Variants in HMGCLL1 observed in about 807,000 individuals in gnomAD.
HMGCLL1 encodes 3-hydroxy-3-methylglutaryl-CoA lyase like 1.
In HMGCLL1, 36 loss-of-function variants were observed where a neutral mutation model predicts 39.1. The observed-to-expected ratio is 0.92, with a 90% CI of 0.71 to 1.22. The LOEUF is 1.22. Ranked by LOEUF, HMGCLL1 falls within the 50% of genes most tolerant of loss-of-function variation. The pLI is 0.00. For missense variants in HMGCLL1, 451 were observed against 416.5 expected (o/e 1.08, Z -0.72); for synonymous variants, 149 against 144.0 (o/e 1.03, Z -0.25).
At chr6:55,611,518 A>T in the HMGCLL1 span, among the ~76,000 whole-genome samples, 1 of 152,168 alleles carries the variant, frequency 6.6e-6, no homozygotes, top group Non-Finnish European at 1.5e-5. Context: ...CAAAAAAAGA[A>T]AGCATCAGGC....
At chr6:55,633,555 T>A in the HMGCLL1 span, among the ~76,000 whole-genome samples, 1 of 151,896 alleles carries the variant, frequency 6.6e-6, no homozygotes, top group African/African-American at 2.4e-5. Context: ...ATTTTCTGCA[T>A]AACCATTTTA....
chr6:55,473,346 A>G (rs886807868), intron 7 of HMGCLL1, among the ~76,000 whole-genome samples: 3 of 151,260 alleles, frequency 2.0e-5, no homozygotes, highest in Non-Finnish European at 3.0e-5. Flanking sequence ...TCTGGTTTTA[A>G]TCGATAATTT....
intron 1 of HMGCLL1, among the ~76,000 whole-genome samples, chr6:55,571,144 T>C: frequency 6.6e-6 from 1 of 152,208 alleles, no homozygotes; most frequent in East Asian, 1.9e-4. Context: ...CCATGTCAAA[T>C]ACCTATCCTT....
At chr6:55,512,481 C>T (rs1463839667) in intron 5 of HMGCLL1, 1 of 152,096 alleles carries the variant, frequency 6.6e-6, no homozygotes, top group Admixed American at 6.6e-5. Flanking sequence ...TTTGGAAGTA[C>T]ATTGCCTTGG....
intron 7 of HMGCLL1, among the ~76,000 whole-genome samples, chr6:55,469,084 C>T (rs1473825401): frequency 1.3e-5 from 2 of 150,050 alleles, no homozygotes; most frequent in Admixed American, 6.7e-5. Context: ...TTTTGAAGTA[C>T]TATGTTGAAA....
At chr6:55,473,266 T>C (rs1765125647) in intron 7 of HMGCLL1, among the ~76,000 whole-genome samples, 1 of 151,488 alleles carries the variant, frequency 6.6e-6, no homozygotes, top group Admixed American at 6.6e-5. Flanking sequence ...TATAGGTGGA[T>C]TAATATCCAC....
chr6:55,640,325 T>C, the HMGCLL1 span, among the ~76,000 whole-genome samples: 2 of 152,088 alleles, frequency 1.3e-5, no homozygotes, highest in South Asian at 4.1e-4. Context: ...CATTTATTCA[T>C]TGAAAATTAT....
At chr6:55,535,908 C>T (rs6459083) in intron 3 of HMGCLL1, among the ~76,000 whole-genome samples, 98,523 of 151,980 alleles carry the variant, frequency 0.65, 32,223 homozygotes, top group Admixed American at 0.71. Context: ...TCGTCAAAAT[C>T]ACCTCCTTCT....
intron 1 of HMGCLL1, chr6:55,566,580 C>T (rs1012924147): frequency 8.8e-6 from 4 of 455,620 alleles, no homozygotes; most frequent in Admixed American, 7.1e-5. Flanking sequence ...AGAGAAGCTG[C>T]TTAACCCTGA....
intron 7 of HMGCLL1, among the ~76,000 whole-genome samples, chr6:55,488,644 A>C (rs562332271): frequency 6.6e-6 from 1 of 152,074 alleles, no homozygotes; most frequent in East Asian, 1.9e-4. Context: ...TGGAAAAAAA[A>C]CTGTCACTTC....
intron 5 of HMGCLL1, among the ~76,000 whole-genome samples, chr6:55,502,712 G>GTT (rs1561921702): frequency 4.2e-5 from 3 of 71,530 alleles, no homozygotes; most frequent in Non-Finnish European, 9.4e-5. Flanking sequence ...GTAAAGATCT[G>GTT]GTTTTTTTTT....
At chr6:55,588,989 T>TG in the HMGCLL1 span, among the ~76,000 whole-genome samples, 77,209 of 151,794 alleles carry the variant, frequency 0.51, 19,972 homozygotes, top group South Asian at 0.61. Flanking sequence ...AAGGATGAGC[T>TG]GTACCATTCC....
chr6:55,634,694 T>C, the HMGCLL1 span, among the ~76,000 whole-genome samples: 3 of 152,120 alleles, frequency 2.0e-5, no homozygotes, highest in African/African-American at 7.2e-5. Context: ...ATAAGAACCC[T>C]TGTGGCACAC....
At chr6:55,674,685 T>C in the HMGCLL1 span, among the ~76,000 whole-genome samples, 1 of 152,074 alleles carries the variant, frequency 6.6e-6, no homozygotes, top group Admixed American at 6.6e-5. Context: ...AATGTTACTA[T>C]AGGATTGCAT....
intron 1 of HMGCLL1, among the ~76,000 whole-genome samples, chr6:55,560,364 C>A (rs544428948): frequency 6.6e-6 from 1 of 152,218 alleles, no homozygotes; most frequent in South Asian, 2.1e-4. Context: ...CATCACTGTC[C>A]TTTACTATTC....
chr6:55,619,877 C>T, the HMGCLL1 span, among the ~76,000 whole-genome samples: 1 of 152,124 alleles, frequency 6.6e-6, no homozygotes, highest in Admixed American at 6.6e-5. Context: ...CCATTCTACT[C>T]TCTATCTCCA....
chr6:55,665,910 A>G, the HMGCLL1 span, among the ~76,000 whole-genome samples: 2 of 151,760 alleles, frequency 1.3e-5, no homozygotes, highest in Non-Finnish European at 2.9e-5. Flanking sequence ...TATACCTACT[A>G]TAAAGTTGGG....
the HMGCLL1 span, among the ~76,000 whole-genome samples, chr6:55,669,062 C>G: frequency 6.7e-6 from 1 of 149,862 alleles, no homozygotes; most frequent in Admixed American, 6.7e-5. Context: ...GTACCAACAA[C>G]TAGAGCCTGT....
chr6:55,545,545 G>C (rs550381628), intron 1 of HMGCLL1, among the ~76,000 whole-genome samples: 1 of 152,170 alleles, frequency 6.6e-6, no homozygotes, highest in East Asian at 1.9e-4. Flanking sequence ...TAATTATTGA[G>C]TACAGTCCAT....
Sources: gnomAD v4.1 joint callset for allele counts (sites outside exome capture counted in the v4.1 genomes callset) on GRCh38, gnomAD v4.1.1 for gene constraint, MANE v1.5 for transcripts, NCBI Gene and HGNC (gene_info 2026-07-23, HGNC 2026-07-21) for gene names.